ADRA1A: variants seen among roughly 807,000 people sequenced by gnomAD.
ADRA1A encodes alpha-1A adrenergic receptor.
A neutral mutation model predicts 29.6 loss-of-function variants in ADRA1A; 31 were observed. The observed-to-expected ratio is 1.05, with a 90% CI of 0.79 to 1.41. ADRA1A has a LOEUF of 1.41. Ranked by LOEUF, ADRA1A falls within the 40% of genes most tolerant of loss-of-function variation. The pLI, the probability that ADRA1A is intolerant of heterozygous loss-of-function variation, is 0.00. For synonymous variants in ADRA1A, 311 were observed against 254.3 expected (o/e 1.22, Z -2.12); for missense variants, 619 against 601.1 (o/e 1.03, Z -0.31).
intron 2 of ADRA1A, among the ~76,000 whole-genome samples, chr8:26,827,442 A>G (rs1324328815): frequency 2.0e-5 from 3 of 152,198 alleles, no homozygotes; most frequent in Non-Finnish European, 4.4e-5. Context: ...TAGCTGGCAT[A>G]TAAAAAACAG....
Position 26,858,868 on chromosome 8 carries a change from A to T in ADRA1A, c.883+5219T>A, listed in dbSNP as rs969472391. Among the ~76,000 whole-genome samples, 4 of 152,222 alleles carry T rather than the reference A, an allele frequency of 2.6e-5. No homozygotes were observed. In the East Asian group the frequency reaches 7.7e-4, roughly 29 times the overall value. ...TAGGATGCAAAAATGGAACAAGATTAGCAAGATTTAGACTTGGAAGCAGGC... is the reference window on the plus strand; with the variant it reads ...TAGGATGCAAAAATGGAACAAGATTTGCAAGATTTAGACTTGGAAGCAGGC... On this transcript the variant is annotated intron_variant, in intron 2 of 2. Coordinates refer to ENST00000380573, the MANE Select transcript of ADRA1A (RefSeq NM_000680.4).
chr8:26,782,009 C>G (rs953549585), intron 2 of ADRA1A, among the ~76,000 whole-genome samples: 1 of 152,242 alleles, frequency 6.6e-6, no homozygotes, highest in African/African-American at 2.4e-5. Flanking sequence ...AATCTGAGTG[C>G]TCTGGACAGT....
At position 26,841,836 on chromosome 8, in the gene ADRA1A, T is replaced by C. The variant is rs1454262720; in HGVS notation, c.883+22251A>G. 6.6e-6 allele frequency among the ~76,000 whole-genome samples: 1 copy of C among 152,208 alleles called. No homozygotes were observed. The highest frequency in any genetic ancestry group is 1.5e-5 in the Non-Finnish European group (1 of 68,036). On this transcript the variant is annotated intron_variant, in intron 2 of 2. Transcript: ENST00000380573. The surrounding 1 kb of genome is among the most constrained non-coding windows in gnomAD (Gnocchi z 4.4). ...TTTTCTTTCCCCTTGACTTCTCTGC[T>C]GCATTTGATATTGGCGCCACTTTCT...
In ADRA1A at chr8:26,866,976, A is replaced by G. The variant is rs1813949216; in HGVS notation, c.-727T>C. On this transcript the variant is annotated 5_prime_UTR_variant, in exon 1 of 3. Coordinates refer to ENST00000380573, the MANE Select transcript of ADRA1A (RefSeq NM_000680.4). The surrounding 1 kb of genome is among the most constrained non-coding windows in gnomAD (Gnocchi z 5.7). The stretch of plus-strand genomic sequence containing the variant: ...TGAGCCACCAGCTCGCGCGCGGGGG[A>G]TGTGGACCCGGCTTCGGTCCCGGGA... The G allele has an allele frequency of 1.0e-6, 1 of 984,178 alleles. No homozygotes were observed. The allele number at this position is 984,178 out of a possible 1,614,324, so 61.0% of individuals were successfully genotyped here.
At chr8:26,749,372 T>C (rs1804825318) in intron 2 of ADRA1A, among the ~76,000 whole-genome samples, 1 of 152,264 alleles carries the variant, frequency 6.6e-6, no homozygotes, top group African/African-American at 2.4e-5. Context: ...AAGATATTTA[T>C]GCAATCCACA....
Position 26,860,998 on chromosome 8 carries a change from T to A in ADRA1A, c.883+3089A>T, listed in dbSNP as rs545219039. On this transcript the variant is annotated intron_variant, in intron 2 of 2. Transcript: ENST00000380573. This position sits in a 1 kb window ranked among gnomAD's most constrained non-coding sequence, Gnocchi z 4.7. Reference sequence around the variant, plus strand: ...TTCCCACTTTTTTTATCCTTTGTTCTTTCTAGAAAGTACACAATCAGGCTT... The same window carrying A: ...TTCCCACTTTTTTTATCCTTTGTTCATTCTAGAAAGTACACAATCAGGCTT... 1.3e-5 allele frequency among the ~76,000 whole-genome samples: 2 copies of A among 152,326 alleles called. No homozygotes were observed. The highest frequency in any genetic ancestry group is 4.1e-4 in the South Asian group (2 of 4,826).
At chr8:26,752,271 C>T (rs190313009), downstream of ADRA1A, among the ~76,000 whole-genome samples, 49 of 152,234 alleles carry the variant, frequency 3.2e-4, no homozygotes, top group Non-Finnish European at 1.8e-4. Flanking sequence ...CTTGAGGAGG[C>T]GGTGTCTCAT....
In ADRA1A at chr8:26,837,175, C is replaced by T. The variant is rs565964435; in HGVS notation, c.883+26912G>A. 2.6e-3 allele frequency among the ~76,000 whole-genome samples: 398 copies of T among 152,114 alleles called. 1 individual carries two copies. The highest frequency in any genetic ancestry group is 4.3e-3 in the Non-Finnish European group (295 of 67,990). On this transcript the variant is annotated intron_variant, in intron 2 of 2. Coordinates refer to ENST00000380573, the MANE Select transcript of ADRA1A (RefSeq NM_000680.4). ...AAAAAAGCATATAGAATTCACCTTC[C>T]TCTACCAGGCATGTGCCTGGACCTC...
At position 26,801,141 on chromosome 8, in the gene ADRA1A, G is replaced by A. The variant is rs1025563585; in HGVS notation, c.884-30475C>T. 4.6e-5 allele frequency among the ~76,000 whole-genome samples: 7 copies of A among 152,118 alleles called. No individual in the cohort carries two copies. In the East Asian group the frequency reaches 1.4e-3, roughly 29 times the overall value. ...AAGAACATATTCCAACACAATAAAA[G>A]CCATATATGACAGACCCACAGCTAG... On this transcript the variant is annotated intron_variant, in intron 2 of 2. Transcript: ENST00000380573.
At chr8:26,753,753 T>C (rs1805026802), downstream of ADRA1A, among the ~76,000 whole-genome samples, 2 of 152,230 alleles carry the variant, frequency 1.3e-5, no homozygotes, top group African/African-American at 4.8e-5. Context: ...TTCTTTGCAC[T>C]ACCCACTCCA....
At chr8:26,816,681 T>A (rs1229810964) in intron 2 of ADRA1A, among the ~76,000 whole-genome samples, 3 of 152,170 alleles carry the variant, frequency 2.0e-5, no homozygotes, top group Non-Finnish European at 4.4e-5. Flanking sequence ...GAGTGGACAC[T>A]GGCTCACTCA....
chr8:26,756,024 C>T (rs184360796), downstream of ADRA1A, among the ~76,000 whole-genome samples: 30 of 152,238 alleles, frequency 2.0e-4, no homozygotes, highest in Admixed American at 5.2e-4. Flanking sequence ...CATGGAAGAA[C>T]GGCATGTGGC....
chr8:26,805,882 T>C lies in ADRA1A; in HGVS notation c.884-35216A>G, dbSNP rs1034505551. Among the ~76,000 whole-genome samples the C allele has an allele frequency of 5.3e-5, 8 of 152,134 alleles. No homozygotes were observed. The highest frequency in any genetic ancestry group is 9.7e-5 in the African/African-American group (4 of 41,412). On this transcript the variant is annotated intron_variant, in intron 2 of 2. Transcript: ENST00000380573. This position sits in a 1 kb window ranked among gnomAD's most constrained non-coding sequence, Gnocchi z 4.8. ...GCCAAAGCCAAGTGACGTTGGCCCT[T>C]GATAAAGACACAGCTTATCAGAGCC...
At chr8:26,820,342 C>T (rs977373654) in intron 2 of ADRA1A, among the ~76,000 whole-genome samples, 1 of 152,130 alleles carries the variant, frequency 6.6e-6, no homozygotes, top group Non-Finnish European at 1.5e-5. Context: ...TATACTGGAC[C>T]ACAGACAAGT....
At chr8:26,779,017 A>G (rs1041134489) in intron 2 of ADRA1A, 2 of 218,912 alleles carry the variant, frequency 9.1e-6, no homozygotes, top group African/African-American at 4.6e-5. Context: ...CACCCAGTCT[A>G]AAGAAGAGTA....
At chr8:26,839,089 C>T (rs1437646205) in intron 2 of ADRA1A, among the ~76,000 whole-genome samples, 3 of 151,918 alleles carry the variant, frequency 2.0e-5, no homozygotes, top group South Asian at 2.1e-4. Context: ...TAATGATGGA[C>T]TATGCATGCT....
intron 2 of ADRA1A, among the ~76,000 whole-genome samples, chr8:26,777,208 C>T (rs1806613420): frequency 6.6e-6 from 1 of 152,172 alleles, no homozygotes; most frequent in African/African-American, 2.4e-5. Context: ...AGATTATCTA[C>T]CTTAGATGGT....
At chr8:26,772,599 T>C (rs969233904) in intron 2 of ADRA1A, among the ~76,000 whole-genome samples, 1 of 152,216 alleles carries the variant, frequency 6.6e-6, no homozygotes, top group Non-Finnish European at 1.5e-5. Context: ...TTGCTGTTGT[T>C]TCAAACCTAA....
At chr8:26,765,496 C>T (rs1047868582), downstream of ADRA1A, among the ~76,000 whole-genome samples, 1 of 152,246 alleles carries the variant, frequency 6.6e-6, no homozygotes, top group Non-Finnish European at 1.5e-5. Context: ...CTCCCCAGCA[C>T]AGTCTGCAGA....
Sources: gnomAD v4.1 joint callset for allele counts (sites outside exome capture counted in the v4.1 genomes callset) on GRCh38, gnomAD v4.1.1 for gene constraint, Gnocchi (gnomAD v3.1) non-coding constraint, MANE v1.5 for transcripts, NCBI Gene and HGNC (gene_info 2026-07-23, HGNC 2026-07-21) for gene names.